The following UNC5CL variants were observed in gnomAD, a reference collection of about 807,000 sequenced individuals.
UNC5CL encodes UNC5C-like protein.
In UNC5CL, 42 loss-of-function variants were observed where a neutral mutation model predicts 54.1. That is an observed-to-expected ratio of 0.78 (90% CI 0.61 to 1.00). The LOEUF is 1.00. Ranked by LOEUF, UNC5CL falls within the 50% of genes least tolerant of loss-of-function variation. UNC5CL has a pLI of 0.00. For missense variants in UNC5CL, 619 were observed against 675.6 expected (o/e 0.92, Z 0.93); for synonymous variants, 285 against 285.1 (o/e 1.00, Z 0.00).
chr6:41,031,515 C>A (rs1318413414), intron 6 of UNC5CL, among the ~76,000 whole-genome samples, 166 bp downstream of exon 6: 1 of 152,132 alleles, frequency 6.6e-6, no homozygotes, highest in African/African-American at 2.4e-5. Flanking sequence ...AACTTGGAGC[C>A]CAGATGATCT....
intron 4 of UNC5CL, 47 bp downstream of exon 4, chr6:41,032,837 T>C: frequency 7.2e-6 from 11 of 1,525,624 alleles, no homozygotes; most frequent in South Asian, 1.3e-5. Context: ...CCTTCATTCC[T>C]GTGGGGCTCC....
intron 6 of UNC5CL, among the ~76,000 whole-genome samples, chr6:41,031,088 A>G (rs1272295856): frequency 6.6e-6 from 1 of 152,148 alleles, no homozygotes; most frequent in African/African-American, 2.4e-5. Context: ...GATCTCAGCC[A>G]TATGTGTACC....
chr6:41,037,304 G>A (rs1239495665), intron 1 of UNC5CL, among the ~76,000 whole-genome samples: 1 of 152,156 alleles, frequency 6.6e-6, no homozygotes, highest in African/African-American at 2.4e-5. Flanking sequence ...GTCTTATTCC[G>A]CTCTCAAGGA....
rs148354861 is a variant in UNC5CL at position 41,033,137 on chromosome 6, G to A, written c.696C>T (p.Thr232=). The change falls in exon 4 of 9, where the codon ACC becomes ACT. Residue 232 remains threonine, a synonymous_variant. Transcript: ENST00000244565. Reference sequence around the variant, plus strand: ...GCCCCACAGGTGCCTCCAGCACACAGGTGTAGAGGCTGCAGAGGGAGCCAG... The same window carrying A: ...GCCCCACAGGTGCCTCCAGCACACAAGTGTAGAGGCTGCAGAGGGAGCCAG... The part of the protein sequence containing the change: ...RIHLSHFSLY[T]CVLEAPVGRE... 731 of 1,612,822 alleles carry A rather than the reference G, an allele frequency of 4.5e-4. No homozygotes were observed. Among genetic ancestry groups the A allele is most frequent in the Non-Finnish European group, 6.0e-4 (708 of 1,179,640 alleles).
At chr6:41,030,301 C>T in intron 8 of UNC5CL, 87 bp downstream of exon 8, 2 of 1,286,820 alleles carry the variant, frequency 1.6e-6, no homozygotes, top group Non-Finnish European at 2.3e-6. Flanking sequence ...CACTCCCTTG[C>T]CTGTGATCCA....
intron 2 of UNC5CL, 58 bp from the exon 3 acceptor site, chr6:41,034,239 G>A (rs948251050): frequency 5.2e-6 from 8 of 1,531,488 alleles, no homozygotes; most frequent in Non-Finnish European, 7.0e-6. Flanking sequence ...CCCTGCCCCT[G>A]AAAGAGGCCA....
At position 41,028,415 on chromosome 6, in the gene UNC5CL, G is replaced by GC; in HGVS notation, c.1514dup (p.Ala506ArgfsTer4). On this transcript the variant is annotated frameshift_variant, in exon 9 of 9. Coordinates refer to ENST00000244565, the MANE Select transcript of UNC5CL (RefSeq NM_173561.3). LOFTEE classifies it high-confidence loss of function. The surrounding 1 kb of genome is among the most constrained non-coding windows in gnomAD (Gnocchi z 4.3). Reference sequence around the variant, plus strand: ...GCTCCAGGCCCTGGTTATCCCGGGCGCCCCCGCGCTCGGGGCCTGGGCTGC... The same window carrying GC: ...GCTCCAGGCCCTGGTTATCCCGGGCGCCCCCCGCGCTCGGGGCCTGGGCTGC... The GC allele has an allele frequency of 1.9e-6, 3 of 1,609,144 alleles. No individual in the cohort carries two copies. Among genetic ancestry groups the GC allele is most frequent in the Non-Finnish European group, 1.7e-6 (2 of 1,178,128 alleles).
intron 4 of UNC5CL, 49 bp from the exon 5 acceptor site, chr6:41,032,186 C>A (rs1220364794): frequency 6.6e-7 from 1 of 1,510,250 alleles, no homozygotes; most frequent in South Asian, 1.1e-5. Flanking sequence ...GGGCCTTAAA[C>A]AAGTATTGAA....
chr6:41,034,231 C>A, intron 2 of UNC5CL, 50 bp from the exon 3 acceptor site: 1 of 1,545,180 alleles, frequency 6.5e-7, no homozygotes, highest in Admixed American at 2.0e-5. Flanking sequence ...AGGCACACCC[C>A]TGCCCCTGAA....
Position 41,028,277 on chromosome 6 carries a change from G to A in UNC5CL, c.*96C>T. On this transcript the variant is annotated 3_prime_UTR_variant, in exon 9 of 9. Coordinates refer to ENST00000244565, the MANE Select transcript of UNC5CL (RefSeq NM_173561.3). This position sits in a 1 kb window ranked among gnomAD's most constrained non-coding sequence, Gnocchi z 4.3. Reference sequence around the variant, plus strand: ...CCGTCCGAGGGTTCTGGGAAGGGTGGTGGGCACAGCCAGGAACAGCTGCTG... The same window carrying A: ...CCGTCCGAGGGTTCTGGGAAGGGTGATGGGCACAGCCAGGAACAGCTGCTG... The A allele has an allele frequency of 8.6e-6, 11 of 1,281,048 alleles. No individual in the cohort carries two copies. Among genetic ancestry groups the A allele is most frequent in the Non-Finnish European group, 1.0e-5 (10 of 953,038 alleles). The allele number at this position is 1,281,048 out of a possible 1,614,324, so 79.4% of individuals were successfully genotyped here.
chr6:41,033,703 G>C (rs142728408), intron 3 of UNC5CL, 178 bp downstream of exon 3: 3 of 683,980 alleles, frequency 4.4e-6, no homozygotes, highest in South Asian at 2.0e-5. Flanking sequence ...TGATTGATGT[G>C]AGAAAAACTG....
Position 41,030,847 on chromosome 6 carries a change from C to T in UNC5CL, c.1120-92G>A, listed in dbSNP as rs1762446862. 6.1e-6 allele frequency: 7 copies of T among 1,141,840 alleles called. No individual in the cohort carries two copies. The East Asian group carries it at 1.7e-4, about 28-fold the overall frequency. 70.7% of individuals were successfully genotyped at this position (1,141,840 alleles called of 1,614,324 possible). ...AGTCCTACCTCCATTCCTCATGTCT[C>T]TCCTTCAGTCTGTCACTCAGAGCCA... is the stretch of plus-strand genomic sequence containing the variant. On this transcript the variant is annotated intron_variant, in intron 6 of 8. Coordinates refer to ENST00000244565, the MANE Select transcript of UNC5CL (RefSeq NM_173561.3).
intron 5 of UNC5CL, 129 bp downstream of exon 5, chr6:41,031,907 C>T: frequency 8.2e-7 from 1 of 1,226,376 alleles, no homozygotes; most frequent in Admixed American, 1.9e-5. Flanking sequence ...TGGCTCCTGG[C>T]CTTTCAGGGA....
At chr6:41,033,304 G>C (rs1156380570) in intron 3 of UNC5CL, among the ~76,000 whole-genome samples, 158 bp from the exon 4 acceptor site, 3 of 152,158 alleles carry the variant, frequency 2.0e-5, no homozygotes, top group Non-Finnish European at 2.9e-5. Flanking sequence ...TGGTAGGTTG[G>C]GGATGAAAAG....
chr6:41,032,246 G>A (rs1193613463), intron 4 of UNC5CL, 109 bp from the exon 5 acceptor site: 2 of 858,108 alleles, frequency 2.3e-6, no homozygotes, highest in Admixed American at 2.1e-5. Context: ...AGGGTCTCAA[G>A]GGAATGGGAA....
chr6:41,034,902 G>A lies in UNC5CL; in HGVS notation c.173C>T (p.Pro58Leu), dbSNP rs1327927428. Residue 58 changes from proline (P) to leucine (L), a missense_variant, in exon 2 of 9, where the codon CCC becomes CTC. Coordinates refer to ENST00000244565, the MANE Select transcript of UNC5CL (RefSeq NM_173561.3). Reference sequence around the variant, plus strand: ...CCTTGAGACCTCATTTTCTAGTTGGGGGGTAGGCTGGGACACTGGTTCCTC... The same window carrying A: ...CCTTGAGACCTCATTTTCTAGTTGGAGGGTAGGCTGGGACACTGGTTCCTC... ...GQEEPVSQPT[P>L]QLENEVSRQH... 6.2e-7 allele frequency: 1 copy of A among 1,614,084 alleles called. No individual in the cohort carries two copies. Among genetic ancestry groups the A allele is most frequent in the Admixed American group, 1.7e-5 (1 of 60,010 alleles).
Position 41,030,696 on chromosome 6 carries a change from C to G in UNC5CL, c.1179G>C (p.Trp393Cys). 6.2e-7 allele frequency: 1 copy of G among 1,614,070 alleles called. No homozygotes were observed. Among genetic ancestry groups the G allele is most frequent in the Non-Finnish European group, 8.5e-7 (1 of 1,179,992 alleles). ...GCTGGGAAACAGGTGGTGGCGCTGC[C>G]CAGGATTCCTCCTCTGATGCCTGGA... is the stretch of plus-strand genomic sequence containing the variant. ...LRFQASEEES[W>C]AAPPPVSQPP... Residue 393 changes from tryptophan to cysteine, a missense_variant, in exon 7 of 9, where the codon TGG becomes TGC. Coordinates refer to ENST00000244565, the MANE Select transcript of UNC5CL (RefSeq NM_173561.3).
Position 41,035,012 on chromosome 6 carries a change from C to T in UNC5CL, c.63G>A (p.Val21=). ...SQFLLLVGVP[V]ASVLLLAQCL... Reference sequence around the variant, plus strand: ...ATTGGGCCAGAAGGAGGACACTTGCCACTGGGACCCCCACCAGCAGTAGGA... The same window carrying T: ...ATTGGGCCAGAAGGAGGACACTTGCTACTGGGACCCCCACCAGCAGTAGGA... Residue 21 remains valine (V), a synonymous_variant, in exon 2 of 9, where the codon GTG becomes GTA. Transcript: ENST00000244565. The T allele has an allele frequency of 6.2e-7, 1 of 1,601,614 alleles. No homozygotes were observed. Among genetic ancestry groups the T allele is most frequent in the Non-Finnish European group, 8.5e-7 (1 of 1,170,356 alleles).
chr6:41,033,801 A>G, intron 3 of UNC5CL, 80 bp downstream of exon 3: 1 of 1,472,774 alleles, frequency 6.8e-7, no homozygotes. Context: ...GATGAAGATA[A>G]GGCAGACAGA....
Sources: allele counts gnomAD v4.1 joint callset (sites outside exome capture counted in the v4.1 genomes callset), GRCh38; gene constraint gnomAD v4.1.1; non-coding constraint Gnocchi (gnomAD v3.1); transcripts MANE v1.5; gene names NCBI Gene and HGNC (gene_info 2026-07-23, HGNC 2026-07-21).